The following GNB1 variants were observed in gnomAD, a reference collection of about 807,000 sequenced individuals.
The protein encoded by GNB1 is G protein subunit beta 1, also known as guanine nucleotide-binding protein G(I)/G(S)/G(T) subunit beta-1.
Under a neutral mutation model 42.9 loss-of-function variants are expected in GNB1, and 2 were observed. That is an observed-to-expected ratio of 0.05 (90% CI 0.02 to 0.15). The LOEUF is 0.15. Among genes scored for constraint, GNB1 ranks in the 10% least tolerant of loss-of-function variants. The pLI is 1.00. For synonymous variants in GNB1, 183 were observed against 174.7 expected (o/e 1.05, Z -0.38); for missense variants, 193 against 462.2 (o/e 0.42, Z 5.34).
chr1:1,796,232 G>A (rs1646544899), intron 7 of GNB1, among the ~76,000 whole-genome samples: 2 of 152,208 alleles, frequency 1.3e-5, no homozygotes, highest in African/African-American at 2.4e-5. Flanking sequence ...TGCGGCTGGA[G>A]AGCAGGATGG....
intron 8 of GNB1, among the ~76,000 whole-genome samples, chr1:1,792,131 A>G (rs186753656): frequency 6.6e-6 from 1 of 152,282 alleles, no homozygotes; most frequent in East Asian, 1.9e-4. Context: ...CATTTAATTT[A>G]GTACTTTGAT....
chr1:1,792,735 T>C (rs1646498665), intron 8 of GNB1, among the ~76,000 whole-genome samples: 2 of 151,420 alleles, frequency 1.3e-5, no homozygotes, highest in South Asian at 4.2e-4. Flanking sequence ...GTATTTTAGT[T>C]CTCAGCTGCT....
chr1:1,818,345 G>A (rs1051664224), intron 3 of GNB1: 2 of 128,830 alleles, frequency 1.6e-5, no homozygotes, highest in Admixed American at 7.8e-5. Context: ...AAAAGGACCA[G>A]ATACCCAGCC....
At chr1:1,829,262 G>A (rs1557909440) in intron 2 of GNB1, among the ~76,000 whole-genome samples, 1 of 152,080 alleles carries the variant, frequency 6.6e-6, no homozygotes, top group Non-Finnish European at 1.5e-5. Flanking sequence ...TCACCACGTT[G>A]GCCAGGCTGT....
At chr1:1,794,367 G>T (rs913387060) in intron 7 of GNB1, among the ~76,000 whole-genome samples, 2 of 152,122 alleles carry the variant, frequency 1.3e-5, no homozygotes, top group African/African-American at 4.8e-5. Flanking sequence ...TATTTCTTTT[G>T]TACATTGATC....
At chr1:1,859,947 T>C (rs956628175) in intron 1 of GNB1, among the ~76,000 whole-genome samples, 1 of 152,096 alleles carries the variant, frequency 6.6e-6, no homozygotes, top group African/African-American at 2.4e-5. Context: ...ATATACTTAA[T>C]GTAAATGTAA....
intron 1 of GNB1, among the ~76,000 whole-genome samples, chr1:1,839,962 C>T (rs776214212): frequency 6.6e-6 from 1 of 151,820 alleles, no homozygotes; most frequent in Non-Finnish European, 1.5e-5. Context: ...CGAGACCAGT[C>T]TGGCCAACGT....
At chr1:1,875,849 A>G (rs1488834756) in intron 1 of GNB1, among the ~76,000 whole-genome samples, 1 of 151,300 alleles carries the variant, frequency 6.6e-6, no homozygotes, top group East Asian at 1.9e-4. Flanking sequence ...CCCCCCCCCA[A>G]AATTCATGTC....
chr1:1,806,583 A>G, intron 5 of GNB1, 45 bp from the exon 6 acceptor site: 1 of 1,317,700 alleles, frequency 7.6e-7, no homozygotes, highest in Non-Finnish European at 1.1e-6. Context: ...CGCACAACAC[A>G]GAAAGTGTAC....
chr1:1,815,436 T>A (rs1033446089), intron 5 of GNB1, among the ~76,000 whole-genome samples: 2 of 152,062 alleles, frequency 1.3e-5, no homozygotes, highest in African/African-American at 4.8e-5. Flanking sequence ...CAAGTTCACA[T>A]AAGTAGGATG....
chr1:1,818,788 G>A (rs1017159551), intron 3 of GNB1, among the ~76,000 whole-genome samples: 9 of 152,074 alleles, frequency 5.9e-5, no homozygotes, highest in Non-Finnish European at 1.0e-4. Context: ...ACTTGAACCC[G>A]GGAGGCGGAG....
At chr1:1,844,830 C>A (rs4648727) in intron 1 of GNB1, among the ~76,000 whole-genome samples, 62,161 of 152,004 alleles carry the variant, frequency 0.41, 12,911 homozygotes, top group Middle Eastern at 0.51. Context: ...GTGTGGTGCA[C>A]ATGTAACATA....
In GNB1 at chr1:1,877,076, G is replaced by A. The variant is rs147792252; in HGVS notation, c.-96+13744C>T. Among the ~76,000 whole-genome samples the A allele has an allele frequency of 2.5e-3, 379 of 152,050 alleles. 7 individuals are homozygous for A. Among genetic ancestry groups the A allele is most frequent in the Admixed American group, 0.022 (331 of 15,258 alleles). ...AGCACTTTGGGAGGCCAAGGTGGGC[G>A]GATCACTTGAGGTCAGGAGTTCGAG... On this transcript the variant is annotated intron_variant, in intron 1 of 11. Transcript: ENST00000378609.
intron 1 of GNB1, among the ~76,000 whole-genome samples, chr1:1,862,076 G>A (rs1197272737): frequency 2.0e-5 from 3 of 151,902 alleles, no homozygotes; most frequent in Non-Finnish European, 4.4e-5. Context: ...CAAAAAAAAA[G>A]CCTGGTGTGG....
At chr1:1,866,248 G>GT (rs2101714453) in intron 1 of GNB1, among the ~76,000 whole-genome samples, 1 of 152,300 alleles carries the variant, frequency 6.6e-6, no homozygotes, top group Non-Finnish European at 1.5e-5. Context: ...CCAGAAAACA[G>GT]TATCTTAAAA....
chr1:1,840,209 T>C (rs1265006434), intron 1 of GNB1, among the ~76,000 whole-genome samples: 12 of 141,812 alleles, frequency 8.5e-5, no homozygotes, highest in African/African-American at 1.3e-4. Flanking sequence ...GCCTGGGTGA[T>C]AGAGCAAGAC....
intron 1 of GNB1, among the ~76,000 whole-genome samples, chr1:1,855,539 A>C (rs1244567582): frequency 6.6e-6 from 1 of 151,718 alleles, no homozygotes; most frequent in East Asian, 1.9e-4. Flanking sequence ...ATCTCTACTA[A>C]AAATACAAAA....
intron 5 of GNB1, among the ~76,000 whole-genome samples, chr1:1,810,801 G>A (rs1441889345): frequency 6.6e-6 from 1 of 150,416 alleles, no homozygotes; most frequent in Non-Finnish European, 1.5e-5. Context: ...CTGAGTAGCT[G>A]GGATTACAGG....
Position 1,815,785 on chromosome 1 carries a change from G to T in GNB1, c.174C>A (p.Ile58=). The T allele has an allele frequency of 6.2e-7, 1 of 1,605,204 alleles. No individual in the cohort carries two copies. The highest frequency in any genetic ancestry group is 8.5e-7 in the Non-Finnish European group (1 of 1,171,772). Residue 58 remains isoleucine, a synonymous_variant, in exon 5 of 12, where the codon ATC becomes ATA. Coordinates refer to ENST00000378609, the MANE Select transcript of GNB1 (RefSeq NM_002074.5). ...RRTLRGHLAK[I]YAMHWGTDSR... is the part of the protein sequence containing the mutation. ...AGTCTGTGCCCCAGTGCATGGCGTA[G>T]ATCTTGGCCAGGTGCCCCCGCAGTG...
Sources: allele counts gnomAD v4.1 joint callset (sites outside exome capture counted in the v4.1 genomes callset), GRCh38; gene constraint gnomAD v4.1.1; transcripts MANE v1.5; gene names NCBI Gene and HGNC (gene_info 2026-07-23, HGNC 2026-07-21).